AOPEP: variants seen among roughly 807,000 people sequenced by gnomAD.
The protein encoded by AOPEP is aminopeptidase O (putative), also known as aminopeptidase O.
AOPEP carries 77 observed loss-of-function variants against 98.1 expected under a neutral mutation model. The observed-to-expected ratio is 0.78, with a 90% CI of 0.65 to 0.95. The LOEUF (loss-of-function observed/expected upper bound fraction) is 0.95, where lower values mean the gene tolerates loss of function less well. Among genes scored for constraint, AOPEP ranks in the 40% least tolerant of loss-of-function variants. The pLI is 0.00. For missense variants in AOPEP, 1,024 were observed against 1,024.7 expected, an observed-to-expected ratio of 1.00 and a Z score of 0.01; for synonymous variants, 346 against 365.3, an observed-to-expected ratio of 0.95 and a Z score of 0.60.
chr9:94,833,771 G>A (rs1008850900), intron 5 of AOPEP, among the ~76,000 whole-genome samples: 3 of 152,146 alleles, frequency 2.0e-5, no homozygotes, highest in African/African-American at 7.2e-5. Flanking sequence ...TTTGAAAACT[G>A]GTAAATAAAG....
At chr9:94,877,025 C>T (rs1235376801) in intron 5 of AOPEP, among the ~76,000 whole-genome samples, 1 of 152,138 alleles carries the variant, frequency 6.6e-6, no homozygotes, top group Non-Finnish European at 1.5e-5. Flanking sequence ...CCCCCAGGAG[C>T]CCCACCGGAG....
intron 14 of AOPEP, among the ~76,000 whole-genome samples, chr9:95,077,974 G>A (rs1008388399): frequency 7.9e-5 from 12 of 152,262 alleles, no homozygotes; most frequent in Admixed American, 1.3e-4. Flanking sequence ...TCAGCATCCT[G>A]TCGCCGAAAT....
intron 5 of AOPEP, among the ~76,000 whole-genome samples, chr9:94,829,454 G>A (rs1412296280): frequency 2.6e-5 from 4 of 152,152 alleles, no homozygotes; most frequent in Admixed American, 6.5e-5. Context: ...ACAAAGAAAT[G>A]TTTTGATGGG....
Position 95,060,681 on chromosome 9 carries a change from G to A in AOPEP, c.2116-13G>A, listed in dbSNP as rs113538499. 4.5e-3 allele frequency: 7,067 copies of A among 1,575,084 alleles called. 189 individuals carry two copies. The East Asian group carries it at 0.051, about 11-fold the overall frequency. ...GAATGGCATTTTCATAGGCTGTTTGGTTTTGTCTTTAGCTTCTTCCAGACC... is the reference window on the plus strand; with the variant it reads ...GAATGGCATTTTCATAGGCTGTTTGATTTTGTCTTTAGCTTCTTCCAGACC... On this transcript the variant is annotated splice_polypyrimidine_tract_variant and intron_variant, in intron 13 of 16. Coordinates refer to ENST00000375315, the MANE Select transcript of AOPEP (RefSeq NM_001193329.3).
intron 14 of AOPEP, among the ~76,000 whole-genome samples, chr9:95,076,848 C>A (rs181683593): frequency 1.3e-5 from 2 of 152,330 alleles, no homozygotes; most frequent in African/African-American, 4.8e-5. Context: ...GATTCATTTG[C>A]TGATCAGTCT....
intron 14 of AOPEP, among the ~76,000 whole-genome samples, chr9:95,067,388 A>AT (rs1025889889): frequency 1.1e-4 from 16 of 152,204 alleles, no homozygotes; most frequent in Non-Finnish European, 2.2e-4. Flanking sequence ...ACTAAAAATG[A>AT]TTTTTAGGCT....
At chr9:95,093,260 G>A in the AOPEP span, among the ~76,000 whole-genome samples, 152 of 152,284 alleles carry the variant, frequency 1.0e-3, no homozygotes, top group African/African-American at 3.5e-3. Flanking sequence ...ATGGAGGATG[G>A]GTCTTTGGAA....
rs145761546 is a variant in AOPEP at position 94,966,787 on chromosome 9, CTCT to C, written c.1873-966_1873-964del. On this transcript the variant is annotated intron_variant, in intron 9 of 16. Transcript: ENST00000375315. ...TTATGCCCCCAATTTTACTGGGCAT[CTCT>C]TCTTATTTGACAACCCTAGTTAAGA... Among the ~76,000 whole-genome samples the C allele has an allele frequency of 7.3e-3, 1,117 of 152,300 alleles. 13 individuals are homozygous for C. Among genetic ancestry groups the C allele is most frequent in the African/African-American group, 0.026 (1,078 of 41,562 alleles).
At chr9:94,951,360 G>C (rs981070592) in intron 7 of AOPEP, among the ~76,000 whole-genome samples, 1 of 152,178 alleles carries the variant, frequency 6.6e-6, no homozygotes, top group African/African-American at 2.4e-5. Flanking sequence ...GATCTTGGGG[G>C]GGCCCCAGAG....
intron 5 of AOPEP, among the ~76,000 whole-genome samples, chr9:94,851,039 C>T (rs936539206): frequency 6.6e-6 from 1 of 152,206 alleles, no homozygotes; most frequent in Non-Finnish European, 1.5e-5. Context: ...ACACCAATGC[C>T]AAGTAAGGCA....
chr9:95,124,103 CAAAAAAAA>C, the AOPEP span, among the ~76,000 whole-genome samples: 9 of 43,544 alleles, frequency 2.1e-4, no homozygotes, highest in Non-Finnish European at 1.2e-4. Flanking sequence ...AACCTTGTCT[CAAAAAAAA>C]AAAAAAAAAA....
chr9:95,040,612 C>G (rs2065203757), intron 13 of AOPEP, among the ~76,000 whole-genome samples: 2 of 152,230 alleles, frequency 1.3e-5, no homozygotes, highest in South Asian at 4.1e-4. Flanking sequence ...GGACCTTTCT[C>G]CCTCCCCTCC....
At chr9:94,870,611 T>C (rs1050882416) in intron 5 of AOPEP, among the ~76,000 whole-genome samples, 4 of 152,230 alleles carry the variant, frequency 2.6e-5, no homozygotes, top group African/African-American at 9.6e-5. Context: ...CCAAGCTTGC[T>C]GATGCTACAG....
At chr9:94,878,506 G>T (rs1363241619) in intron 5 of AOPEP, among the ~76,000 whole-genome samples, 1 of 151,748 alleles carries the variant, frequency 6.6e-6, no homozygotes, top group Non-Finnish European at 1.5e-5. Context: ...CTTAGTCAGT[G>T]GATCACAAAA....
At chr9:94,761,302 T>G (rs1385452930) in intron 2 of AOPEP, among the ~76,000 whole-genome samples, 1 of 152,232 alleles carries the variant, frequency 6.6e-6, no homozygotes, top group Non-Finnish European at 1.5e-5. Context: ...GCTCTAACAA[T>G]TGTTCAGATT....
intron 12 of AOPEP, 81 bp from the exon 13 acceptor site, chr9:95,005,461 G>A (rs1190162191): frequency 7.4e-7 from 1 of 1,349,174 alleles, no homozygotes; most frequent in African/African-American, 1.4e-5. Flanking sequence ...GCGAGGCCGG[G>A]GGTCTCTGCT....
At chr9:95,086,046 A>G in intron 16 of AOPEP, 2 of 1,367,670 alleles carry the variant, frequency 1.5e-6, no homozygotes, top group Non-Finnish European at 2.0e-6. Context: ...AGCTGATATC[A>G]GTTCTCATTT....
intron 13 of AOPEP, among the ~76,000 whole-genome samples, chr9:95,034,091 T>G (rs1374236922): frequency 6.6e-6 from 1 of 152,196 alleles, no homozygotes; most frequent in Non-Finnish European, 1.5e-5. Flanking sequence ...TGTCTTCCAT[T>G]AGAGGTTTGG....
At chr9:95,043,987 C>G (rs139282612) in intron 13 of AOPEP, among the ~76,000 whole-genome samples, 86 of 152,252 alleles carry the variant, frequency 5.6e-4, no homozygotes, top group African/African-American at 2.0e-3. Flanking sequence ...GTTCTCTTTC[C>G]CCAGTCATCT....
Sources: allele counts gnomAD v4.1 joint callset (sites outside exome capture counted in the v4.1 genomes callset), GRCh38; gene constraint gnomAD v4.1.1; transcripts MANE v1.5; gene names NCBI Gene and HGNC (gene_info 2026-07-23, HGNC 2026-07-21).